Variants in GTF2H1 observed in about 807,000 individuals in gnomAD.
GTF2H1 encodes the protein general transcription factor IIH subunit 1.
Under a neutral mutation model 71.2 loss-of-function variants are expected in GTF2H1, and 16 were observed. The ratio of observed to expected loss-of-function variants is 0.22; its 90% CI spans 0.15 to 0.34. GTF2H1 has a LOEUF of 0.34. Ranked by LOEUF, GTF2H1 falls within the 10% of genes least tolerant of loss-of-function variation. The pLI, the probability that GTF2H1 is intolerant of heterozygous loss-of-function variation, is 1.00. For synonymous variants in GTF2H1, 215 were observed against 219.0 expected (o/e 0.98, Z 0.16); for missense variants, 498 against 648.2 (o/e 0.77, Z 2.52).
chr11:18,343,500 T>A (rs1457711370), intron 7 of GTF2H1, among the ~76,000 whole-genome samples: 1 of 152,190 alleles, frequency 6.6e-6, no homozygotes, highest in African/African-American at 2.4e-5. Context: ...ATAGTAACTA[T>A]CACAGGCTAT....
intron 7 of GTF2H1, among the ~76,000 whole-genome samples, chr11:18,343,114 G>T (rs1865201313): frequency 6.6e-6 from 1 of 152,134 alleles, no homozygotes; most frequent in Non-Finnish European, 1.5e-5. Flanking sequence ...TACAGGCGGG[G>T]TTTCATCATG....
chr11:18,351,785 A>G, intron 9 of GTF2H1, 96 bp from the exon 10 acceptor site: 1 of 659,896 alleles, frequency 1.5e-6, no homozygotes. Context: ...GGAAGACTTC[A>G]TTTTTTACCC....
chr11:18,326,010 A>G (rs1864755472), intron 1 of GTF2H1: 1 of 152,222 alleles, frequency 6.6e-6, no homozygotes, highest in Non-Finnish European at 1.5e-5. Context: ...TGGAAATCAC[A>G]GAAGGCATTG....
chr11:18,338,726 A>G (rs985823140), intron 4 of GTF2H1, among the ~76,000 whole-genome samples: 5 of 152,214 alleles, frequency 3.3e-5, no homozygotes, highest in African/African-American at 1.2e-4. Flanking sequence ...TGGGATTACA[A>G]GTATGAGCTA....
chr11:18,355,391 C>T (rs948356835), intron 11 of GTF2H1, among the ~76,000 whole-genome samples: 1 of 152,078 alleles, frequency 6.6e-6, no homozygotes, highest in Admixed American at 6.6e-5. Context: ...GATCCACCCG[C>T]CTCAGCCTCC....
chr11:18,335,646 A>AG, intron 2 of GTF2H1, 108 bp from the exon 3 acceptor site: 1 of 720,998 alleles, frequency 1.4e-6, no homozygotes, highest in Non-Finnish European at 2.4e-6. Context: ...GGAATAGGGC[A>AG]GTTAAAGCCC....
chr11:18,348,108 T>C, intron 9 of GTF2H1, 189 bp downstream of exon 9: 1 of 616,836 alleles, frequency 1.6e-6, no homozygotes, highest in Non-Finnish European at 2.9e-6. Flanking sequence ...AACTTTCCAT[T>C]GACTCTAGCC....
At chr11:18,352,138 A>C in intron 10 of GTF2H1, 169 bp downstream of exon 10, 1 of 625,692 alleles carries the variant, frequency 1.6e-6, no homozygotes, top group Non-Finnish European at 2.9e-6. Flanking sequence ...AACCCATGAC[A>C]ATAAATGTGG....
At chr11:18,365,699 C>T in intron 14 of GTF2H1, 84 bp from the exon 15 acceptor site, 1 of 878,322 alleles carries the variant, frequency 1.1e-6, no homozygotes. Context: ...AAACTACACT[C>T]TGAAGTGTGT....
At chr11:18,354,544 G>T (rs1006293640) in intron 11 of GTF2H1, among the ~76,000 whole-genome samples, 14 of 151,950 alleles carry the variant, frequency 9.2e-5, no homozygotes, top group Admixed American at 7.9e-4. Context: ...CAATCCTCCT[G>T]CCTCAGCCTT....
At position 18,366,971 on chromosome 11, in the gene GTF2H1, T is replaced by C. The variant is rs1865840326; in HGVS notation, c.*1102T>C. ...TTCCTGATGGGATCAACTTAATGTT[T>C]AAGACTTTAGATGTCTTGTATTAAA... On this transcript the variant is annotated 3_prime_UTR_variant, in exon 15 of 15. Coordinates refer to ENST00000265963, the MANE Select transcript of GTF2H1 (RefSeq NM_005316.4). 1 of 152,108 alleles carries C rather than the reference T, an allele frequency of 6.6e-6. No individual in the cohort carries two copies. Among genetic ancestry groups the C allele is most frequent in the African/African-American group, 2.4e-5 (1 of 41,430 alleles). The allele number at this position is 152,108 out of a possible 1,614,324, so 9.4% of individuals were successfully genotyped here.
rs140675618 is a variant in GTF2H1, at chr11:18,352,465, T to C, written c.1260+19T>C. 4.3e-6 allele frequency: 4 copies of C among 938,688 alleles called. No individual in the cohort carries two copies. In the African/African-American group the frequency reaches 4.8e-5, roughly 11 times the overall value. The allele number at this position is 938,688 out of a possible 1,614,324, so 58.1% of individuals were successfully genotyped here. A position where few individuals can be genotyped will look rare whatever the true frequency, so the allele number is the denominator to read the frequency against. On this transcript the variant is annotated intron_variant, in intron 11 of 14. Coordinates refer to ENST00000265963, the MANE Select transcript of GTF2H1 (RefSeq NM_005316.4). ...AACTCAGGTAGGTGACTTCTACTGT[T>C]TGAAGGCCAGAATTCCCATAGTTCC...
intron 9 of GTF2H1, among the ~76,000 whole-genome samples, chr11:18,349,509 C>A (rs1021779347): frequency 1.1e-4 from 16 of 151,928 alleles, no homozygotes; most frequent in African/African-American, 3.6e-4. Context: ...ATGGTGAAAC[C>A]CTGTCTCTAT....
chr11:18,342,231 A>G (rs1455539924), intron 7 of GTF2H1, among the ~76,000 whole-genome samples: 1 of 68,862 alleles, frequency 1.5e-5, no homozygotes, highest in East Asian at 3.3e-4. Flanking sequence ...TCTTGCTCTT[A>G]TTTTTCTTCT....
At chr11:18,333,520 C>T in intron 2 of GTF2H1, 1 of 200,322 alleles carries the variant, frequency 5.0e-6, no homozygotes, top group Non-Finnish European at 1.0e-5. Flanking sequence ...TTTAACCAGC[C>T]CTCTGTGGTT....
At chr11:18,355,570 A>G (rs1406692021) in intron 11 of GTF2H1, among the ~76,000 whole-genome samples, 5 of 152,016 alleles carry the variant, frequency 3.3e-5, no homozygotes, top group Admixed American at 2.6e-4. Context: ...TAGTGGCACA[A>G]TCTCGGCTCA....
chr11:18,326,625 C>T (rs1864773895), intron 1 of GTF2H1, among the ~76,000 whole-genome samples: 1 of 152,020 alleles, frequency 6.6e-6, no homozygotes. Context: ...TTTACCTTCT[C>T]AACTCATAAA....
intron 1 of GTF2H1, 94 bp from the exon 2 acceptor site, chr11:18,332,966 A>G: frequency 1.3e-6 from 1 of 769,128 alleles, no homozygotes; most frequent in Non-Finnish European, 2.0e-6. Context: ...TACAGTTTAG[A>G]TTTTATATTT....
chr11:18,334,759 C>G (rs1864985359), intron 2 of GTF2H1, among the ~76,000 whole-genome samples: 1 of 152,180 alleles, frequency 6.6e-6, no homozygotes, highest in Admixed American at 6.5e-5. Flanking sequence ...AAGAATGATA[C>G]AGTGAAAACC....
Sources: allele counts gnomAD v4.1 joint callset (sites outside exome capture counted in the v4.1 genomes callset), GRCh38; gene constraint gnomAD v4.1.1; transcripts MANE v1.5; gene names NCBI Gene and HGNC (gene_info 2026-07-23, HGNC 2026-07-21).